The following URB1 variants were observed in gnomAD, a reference collection of about 807,000 sequenced individuals.
The protein encoded by URB1 is URB1 ribosome biogenesis factor, also known as nucleolar pre-ribosomal-associated protein 1.
In URB1, 197 loss-of-function variants were observed where a neutral mutation model predicts 242.3. The ratio of observed to expected loss-of-function variants is 0.81; its 90% confidence interval spans 0.72 to 0.91. URB1 has a LOEUF of 0.91. Among genes scored for constraint, URB1 ranks in the 40% least tolerant of loss-of-function variants. The pLI is 0.00. For missense variants in URB1, 2,721 were observed against 2,860.5 expected, an observed-to-expected ratio of 0.95 and a Z score of 1.11; for synonymous variants, 1,153 against 1,201.8, an observed-to-expected ratio of 0.96 and a Z score of 0.84.
chr21:32,365,116 C>T (rs946842819), intron 10 of URB1, among the ~76,000 whole-genome samples: 5 of 152,214 alleles, frequency 3.3e-5, no homozygotes, highest in African/African-American at 9.6e-5. Flanking sequence ...CTACTAGGAG[C>T]AAGCTTGGAA....
At position 32,347,537 on chromosome 21, in the gene URB1, G is replaced by A. The variant is rs1376006283; in HGVS notation, c.3287C>T (p.Thr1096Ile). The stretch of plus-strand genomic sequence containing the variant: ...CTGCGGCGGGGTCTTTGGTGGTGAT[G>A]TGGCCGGGCCCGCCCTCCTGTTCTG... ...ELQNRRAGPA[T>I]SPPKTPPQLE... Residue 1096 changes from threonine to isoleucine, a missense_variant, in exon 22 of 39, where the codon ACA becomes ATA. Transcript: ENST00000382751. The A allele has an allele frequency of 1.3e-6, 2 of 1,551,258 alleles. No homozygotes were observed. Among genetic ancestry groups the A allele is most frequent in the Admixed American group, 2.0e-5 (1 of 50,960 alleles).
chr21:32,379,111 G>A (rs996177992), intron 4 of URB1, among the ~76,000 whole-genome samples: 2 of 152,214 alleles, frequency 1.3e-5, no homozygotes, highest in African/African-American at 2.4e-5. Context: ...AGCCAGCACT[G>A]TCCACATGCA....
Position 32,312,180 on chromosome 21 carries a change from G to T in URB1, c.*2738C>A. 2.7e-6 allele frequency: 4 copies of T among 1,504,116 alleles called. No individual in the cohort carries two copies. The highest frequency in any genetic ancestry group is 3.5e-6 in the Non-Finnish European group (4 of 1,130,044). 93.2% of individuals were successfully genotyped at this position (1,504,116 alleles called of 1,614,324 possible). On this transcript the variant is annotated 3_prime_UTR_variant, in exon 39 of 39. Transcript: ENST00000382751. Reference sequence around the variant, plus strand: ...TTGCAGTGGCCCCTCGAGTGCAGAGGTCATCCCAGGTGTTGCTGAGTTTAT... The same window carrying T: ...TTGCAGTGGCCCCTCGAGTGCAGAGTTCATCCCAGGTGTTGCTGAGTTTAT...
At position 32,326,524 on chromosome 21, in the gene URB1, T is replaced by C. The variant is rs192294757; in HGVS notation, c.4961-1135A>G. Among the ~76,000 whole-genome samples the C allele has an allele frequency of 7.9e-5, 12 of 152,328 alleles. No homozygotes were observed. The East Asian group carries it at 2.1e-3, about 27-fold the overall frequency. On this transcript the variant is annotated intron_variant, in intron 30 of 38. Coordinates refer to ENST00000382751, the MANE Select transcript of URB1 (RefSeq NM_014825.3). Reference sequence around the variant, plus strand: ...TGGATGGTGAAATGGTTTGGATTTGTGGCCCTACCCAAATCTCATGTTGAA... The same window carrying C: ...TGGATGGTGAAATGGTTTGGATTTGCGGCCCTACCCAAATCTCATGTTGAA...
intron 19 of URB1, among the ~76,000 whole-genome samples, chr21:32,352,201 G>A (rs1301055002): frequency 6.6e-6 from 1 of 152,134 alleles, no homozygotes; most frequent in African/African-American, 2.4e-5. Context: ...TAAATACCCT[G>A]CACATTGGAG....
chr21:32,333,226 T>A, intron 30 of URB1, 91 bp downstream of exon 30: 1 of 1,015,790 alleles, frequency 9.8e-7, no homozygotes, highest in Non-Finnish European at 1.5e-6. Context: ...CAGGTCCTCA[T>A]GTGGTAATTA....
intron 4 of URB1, among the ~76,000 whole-genome samples, chr21:32,378,828 A>C (rs1010093186): frequency 6.6e-6 from 1 of 152,206 alleles, no homozygotes; most frequent in Admixed American, 6.5e-5. Context: ...CCCTTCCCTG[A>C]CTATAACACA....
intron 24 of URB1, among the ~76,000 whole-genome samples, chr21:32,343,591 T>C (rs1449870691): frequency 6.6e-6 from 1 of 152,276 alleles, no homozygotes; most frequent in East Asian, 1.9e-4. Flanking sequence ...GATAGGAATG[T>C]GGGGTACACA....
intron 12 of URB1, 97 bp downstream of exon 12, chr21:32,361,795 G>A (rs542940911): frequency 6.9e-7 from 1 of 1,448,934 alleles, no homozygotes; most frequent in African/African-American, 1.4e-5. Context: ...AACAAAAACT[G>A]CTCCAGGACT....
intron 24 of URB1, among the ~76,000 whole-genome samples, chr21:32,343,481 A>C (rs887596766): frequency 6.6e-6 from 1 of 152,236 alleles, no homozygotes; most frequent in Non-Finnish European, 1.5e-5. Flanking sequence ...CAGGCAAAAC[A>C]ACCTCAGGGT....
Position 32,325,380 on chromosome 21 carries a change from A to AC in URB1, c.4969dup (p.Val1657GlyfsTer23). 6.5e-7 allele frequency: 1 copy of AC among 1,549,772 alleles called. No homozygotes were observed. Among genetic ancestry groups the AC allele is most frequent in the Non-Finnish European group, 8.7e-7 (1 of 1,145,388 alleles). On this transcript the variant is annotated frameshift_variant, in exon 31 of 39. Coordinates refer to ENST00000382751, the MANE Select transcript of URB1 (RefSeq NM_014825.3). LOFTEE classifies it high-confidence loss of function. ...TGAATCCAAAAATTTTCGACAATCCACCACAAACTCTGCAGGAAATGAAAT... is the reference window on the plus strand; with the variant it reads ...TGAATCCAAAAATTTTCGACAATCCACCCACAAACTCTGCAGGAAATGAAAT...
At chr21:32,362,138 G>A in intron 11 of URB1, 117 bp from the exon 12 acceptor site, 1 of 1,315,436 alleles carries the variant, frequency 7.6e-7, no homozygotes, top group Non-Finnish European at 1.0e-6. Flanking sequence ...CTAGAGGAGT[G>A]CGTGTAAGAA....
Position 32,337,423 on chromosome 21 carries a change from G to A in URB1, c.4602C>T (p.Gly1534=), listed in dbSNP as rs1470553166. ...SHFAVLLGAY[G]ATLSVLDQKI... ...CCTCACCTAGGACGCTGAGAGTGGC[G>A]CCATAGGCCCCGAGAAGCACTGCAA... is the stretch of plus-strand genomic sequence containing the variant. Residue 1534 remains glycine (G), a synonymous_variant, in exon 27 of 39, where the codon GGC becomes GGT. Coordinates refer to ENST00000382751, the MANE Select transcript of URB1 (RefSeq NM_014825.3). 38 of 1,551,424 alleles carry A rather than the reference G, an allele frequency of 2.4e-5. No homozygotes were observed. Among genetic ancestry groups the A allele is most frequent in the South Asian group, 6.0e-5 (5 of 84,028 alleles).
chr21:32,378,587 C>T (rs1463477512), intron 4 of URB1, 46 bp from the exon 5 acceptor site: 1 of 1,482,192 alleles, frequency 6.7e-7, no homozygotes, highest in Non-Finnish European at 9.2e-7. Context: ...ATTCCACATA[C>T]AGCCAAAGGA....
intron 34 of URB1, among the ~76,000 whole-genome samples, chr21:32,320,955 A>G (rs1177486464): frequency 6.6e-6 from 1 of 152,178 alleles, no homozygotes; most frequent in Non-Finnish European, 1.5e-5. Flanking sequence ...AGCCACCGGC[A>G]CAGGGAGTGC....
Position 32,350,885 on chromosome 21 carries a change from A to G in URB1, c.2651T>C (p.Leu884Pro). The change falls in exon 20 of 39, where the codon CTT (leucine) becomes CCT (proline). Residue 884 changes from leucine (L) to proline (P), a missense_variant. Transcript: ENST00000382751. The stretch of plus-strand genomic sequence containing the variant: ...GGCTGTGAAGGACGAGGCCAAGGGA[A>G]GGGCAGGGGGCGAGGGGCTGCCCTG... ...QAQGSPSPPA[L>P]PLASSFTALL... 6.5e-7 allele frequency: 1 copy of G among 1,549,910 alleles called. No homozygotes were observed.
chr21:32,315,122 C>A, intron 38 of URB1, 23 bp from the exon 39 acceptor site: 1 of 1,491,406 alleles, frequency 6.7e-7, no homozygotes. Flanking sequence ...AGGGGATAGG[C>A]CATTAGGATG....
chr21:32,324,611 C>A lies in URB1; in HGVS notation c.5122-9G>T. 1 of 1,546,176 alleles carries A rather than the reference C, an allele frequency of 6.5e-7. No individual in the cohort carries two copies. The highest frequency in any genetic ancestry group is 1.4e-5 in the African/African-American group (1 of 73,052). On this transcript the variant is annotated splice_polypyrimidine_tract_variant and intron_variant, in intron 31 of 38. Transcript: ENST00000382751. The stretch of plus-strand genomic sequence containing the variant: ...TCCAACAGGTAAAGTAGCTTGAAAA[C>A]AGAACAGAAAAGGAAAATGTAAGAT...
At chr21:32,344,793 GT>G (rs1474526397) in intron 23 of URB1, 37 bp from the exon 24 acceptor site, 1 of 1,533,714 alleles carries the variant, frequency 6.5e-7, no homozygotes, top group Non-Finnish European at 8.8e-7. Context: ...CAGAGAGCAG[GT>G]TTAAATCCTT....
Sources: gnomAD v4.1 joint callset for allele counts (sites outside exome capture counted in the v4.1 genomes callset) on GRCh38, gnomAD v4.1.1 for gene constraint, MANE v1.5 for transcripts, NCBI Gene and HGNC (gene_info 2026-07-23, HGNC 2026-07-21) for gene names.